Variants in MSRA observed in about 807,000 individuals in gnomAD.
MSRA encodes the protein mitochondrial peptide methionine sulfoxide reductase.
MSRA carries 54 observed loss-of-function variants against 31.3 expected under a neutral mutation model. The observed-to-expected ratio is 1.73, with a 90% CI of 1.39 to 2.17. The LOEUF (loss-of-function observed/expected upper bound fraction) is 2.17, where lower values mean the gene tolerates loss of function less well. MSRA is among the 30% of genes most tolerant of loss of function. MSRA has a pLI of 0.00. For synonymous variants in MSRA, 169 were observed against 116.5 expected, an observed-to-expected ratio of 1.45 and a Z score of -2.90; for missense variants, 507 against 300.9, an observed-to-expected ratio of 1.69 and a Z score of -5.07.
At chr8:10,281,171 A>G (rs888182244) in intron 3 of MSRA, among the ~76,000 whole-genome samples, 1 of 152,234 alleles carries the variant, frequency 6.6e-6, no homozygotes, top group African/African-American at 2.4e-5. Context: ...TCATCTCAGT[A>G]AAGCTGGTTG....
chr8:10,410,905 C>A (rs1012214849), intron 5 of MSRA, among the ~76,000 whole-genome samples: 1 of 152,126 alleles, frequency 6.6e-6, no homozygotes, highest in East Asian at 1.9e-4. Flanking sequence ...CTGAGCCTGA[C>A]AAAAAGGAAA....
intron 1 of MSRA, among the ~76,000 whole-genome samples, chr8:10,088,288 G>C (rs1798674594): frequency 6.6e-6 from 1 of 152,212 alleles, no homozygotes; most frequent in African/African-American, 2.4e-5. Flanking sequence ...TCCTACAGAA[G>C]TTAAAAATGG....
At chr8:10,348,799 C>T (rs1437894558) in intron 5 of MSRA, among the ~76,000 whole-genome samples, 3 of 152,186 alleles carry the variant, frequency 2.0e-5, no homozygotes, top group Non-Finnish European at 4.4e-5. Flanking sequence ...TGGGGATCAA[C>T]AGGTATCTGG....
chr8:10,281,041 G>C (rs1799596115), intron 3 of MSRA, among the ~76,000 whole-genome samples: 2 of 152,182 alleles, frequency 1.3e-5, no homozygotes, highest in South Asian at 2.1e-4. Flanking sequence ...AGTGTATGGA[G>C]TCTCTTTTTG....
intron 5 of MSRA, among the ~76,000 whole-genome samples, chr8:10,405,466 A>C (rs984947472): frequency 1.3e-5 from 2 of 152,110 alleles, no homozygotes; most frequent in Non-Finnish European, 2.9e-5. Flanking sequence ...CAGATTCTTA[A>C]AGAGAGAGAG....
chr8:10,294,549 C>T (rs953504539), intron 3 of MSRA, among the ~76,000 whole-genome samples: 20 of 152,120 alleles, frequency 1.3e-4, no homozygotes, highest in African/African-American at 4.3e-4. Flanking sequence ...GGCACTCTGG[C>T]TCCCAAACCG....
At chr8:10,322,765 G>T (rs1490256332) in intron 5 of MSRA, among the ~76,000 whole-genome samples, 1 of 152,136 alleles carries the variant, frequency 6.6e-6, no homozygotes, top group Non-Finnish European at 1.5e-5. Flanking sequence ...AACCCCAGTT[G>T]CTGATAAGAT....
intron 3 of MSRA, among the ~76,000 whole-genome samples, chr8:10,255,797 G>GTT (rs36089458): frequency 1.3e-3 from 192 of 149,074 alleles, no homozygotes; most frequent in African/African-American, 2.4e-3. Context: ...GAGGCTGCTG[G>GTT]TTTTTTTTTT....
intron 4 of MSRA, among the ~76,000 whole-genome samples, chr8:10,310,371 T>G (rs1198957866): frequency 7.2e-5 from 11 of 152,250 alleles, no homozygotes; most frequent in African/African-American, 2.2e-4. Flanking sequence ...TAATTGTTCT[T>G]TCAGTCACAC....
At chr8:10,278,862 T>C (rs576661458) in intron 3 of MSRA, among the ~76,000 whole-genome samples, 2 of 152,348 alleles carry the variant, frequency 1.3e-5, no homozygotes, top group African/African-American at 4.8e-5. Flanking sequence ...CTAATTTGAC[T>C]TGTGGCTTAG....
intron 2 of MSRA, among the ~76,000 whole-genome samples, chr8:10,213,776 C>T (rs1289498241): frequency 6.6e-6 from 1 of 152,112 alleles, no homozygotes; most frequent in African/African-American, 2.4e-5. Context: ...TGAATAACTG[C>T]TGCAGCAAAC....
chr8:10,284,768 C>G (rs1395691945), intron 3 of MSRA, among the ~76,000 whole-genome samples: 1 of 152,106 alleles, frequency 6.6e-6, no homozygotes, highest in Non-Finnish European at 1.5e-5. Flanking sequence ...CTCTCTGTGC[C>G]TAACTGTCCT....
chr8:10,232,395 AAG>A (rs1272623130), intron 2 of MSRA, among the ~76,000 whole-genome samples: 3 of 152,188 alleles, frequency 2.0e-5, no homozygotes, highest in African/African-American at 7.2e-5. Context: ...GCTAGTTAGC[AAG>A]AGAATGGAGT....
intron 5 of MSRA, among the ~76,000 whole-genome samples, chr8:10,423,934 A>T (rs6601459): frequency 6.6e-6 from 1 of 151,870 alleles, no homozygotes; most frequent in South Asian, 2.1e-4. Context: ...TTCATTCATT[A>T]ATTGCACACA....
chr8:10,173,851 G>A (rs1805810022), intron 1 of MSRA, among the ~76,000 whole-genome samples: 1 of 152,144 alleles, frequency 6.6e-6, no homozygotes. Context: ...TTCACACCAG[G>A]CAGCATTTGT....
chr8:10,063,992 G>A (rs1046249089), intron 1 of MSRA, among the ~76,000 whole-genome samples: 2 of 152,198 alleles, frequency 1.3e-5, no homozygotes, highest in African/African-American at 4.8e-5. Context: ...TAGAGTTGGA[G>A]CTGGAACTAG....
intron 1 of MSRA, among the ~76,000 whole-genome samples, chr8:10,184,540 T>C (rs931399383): frequency 2.0e-5 from 3 of 152,180 alleles, no homozygotes; most frequent in Admixed American, 6.5e-5. Context: ...AGGGTTATTA[T>C]TATTTTTAAC....
At chr8:10,283,166 A>G (rs1235616764) in intron 3 of MSRA, among the ~76,000 whole-genome samples, 1 of 144,072 alleles carries the variant, frequency 6.9e-6, no homozygotes, top group Non-Finnish European at 1.5e-5. Flanking sequence ...ACACACTCTC[A>G]CCCTTCTCTT....
chr8:10,369,096 T>G (rs1805332082), intron 5 of MSRA, among the ~76,000 whole-genome samples: 1 of 152,208 alleles, frequency 6.6e-6, no homozygotes, highest in Non-Finnish European at 1.5e-5. Flanking sequence ...AACTCTACAT[T>G]CAGTTTTTGG....
Sources: gnomAD v4.1 joint callset for allele counts (sites outside exome capture counted in the v4.1 genomes callset) on GRCh38, gnomAD v4.1.1 for gene constraint, MANE v1.5 for transcripts, NCBI Gene and HGNC (gene_info 2026-07-23, HGNC 2026-07-21) for gene names.